The following SLC2A9 variants were observed in gnomAD, a reference collection of about 807,000 sequenced individuals.
SLC2A9 encodes the protein solute carrier family 2, facilitated glucose transporter member 9.
A neutral mutation model predicts 50.6 loss-of-function variants in SLC2A9; 39 were observed. The observed-to-expected ratio is 0.77, with a 90% confidence interval of 0.60 to 1.01. The LOEUF (loss-of-function observed/expected upper bound fraction) is 1.01, where lower values mean the gene tolerates loss of function less well. Ranked by LOEUF, SLC2A9 falls within the 50% of genes least tolerant of loss-of-function variation. The pLI is 0.00. For synonymous variants in SLC2A9, 324 were observed against 276.9 expected (o/e 1.17, Z -1.69); for missense variants, 686 against 677.6 (o/e 1.01, Z -0.14).
chr4:9,778,370 T>A, downstream of SLC2A9, among the ~76,000 whole-genome samples: 1 of 152,128 alleles, frequency 6.6e-6, no homozygotes, highest in East Asian at 1.9e-4. Context: ...TCCACCTGCT[T>A]CAGCCTCCCA....
At position 9,782,752 on chromosome 4, in the gene SLC2A9, G is replaced by C. The variant is rs142417212; in HGVS notation, n.386-2687C>G. 50 of 1,613,842 alleles carry C rather than the reference G, an allele frequency of 3.1e-5. No individual in the cohort carries two copies. The South Asian group carries it at 5.4e-4, about 17-fold the overall frequency. ...GCTTCTACATCCCCGTTGCCATCAT[G>C]ATCGTGACCTACACGCGCATCTACC... On this transcript the variant is annotated intron_variant and non_coding_transcript_variant, in intron 3 of 3. Transcript: ENST00000503803.
chr4:9,789,392 G>A (rs1719623732), intron 3 of SLC2A9, among the ~76,000 whole-genome samples: 1 of 152,198 alleles, frequency 6.6e-6, no homozygotes, highest in African/African-American at 2.4e-5. Flanking sequence ...TGAGAGTACA[G>A]GGCAGAACCT....
chr4:9,823,635 A>G (rs534132584), downstream of SLC2A9, among the ~76,000 whole-genome samples: 14 of 152,364 alleles, frequency 9.2e-5, no homozygotes, highest in East Asian at 2.1e-3. Context: ...AGAAAGTAAT[A>G]CAATATTAAG....
chr4:9,836,092 A>G (rs1403064168), intron 10 of SLC2A9, among the ~76,000 whole-genome samples: 1 of 149,380 alleles, frequency 6.7e-6, no homozygotes, highest in East Asian at 1.9e-4. Context: ...CCCTCTCAAA[A>G]AAAAAAAAAA....
At chr4:9,777,652 C>A (rs552655979), downstream of SLC2A9, among the ~76,000 whole-genome samples, 49 of 152,278 alleles carry the variant, frequency 3.2e-4, no homozygotes, top group Non-Finnish European at 6.5e-4. Flanking sequence ...TCATTACCAA[C>A]AAAGATTTGT....
chr4:9,772,016 A>G (rs930200488), intron 1 of SLC2A9, among the ~76,000 whole-genome samples: 5 of 152,210 alleles, frequency 3.3e-5, no homozygotes, highest in African/African-American at 1.2e-4. Context: ...AGGAGCTGGG[A>G]ATTAGTGCAT....
chr4:10,031,825 A>G (rs1361580414), intron 1 of SLC2A9, among the ~76,000 whole-genome samples: 3 of 152,182 alleles, frequency 2.0e-5, no homozygotes, highest in Non-Finnish European at 4.4e-5. Context: ...CAAGCACTGT[A>G]AATACTGTGC....
intron 10 of SLC2A9, among the ~76,000 whole-genome samples, chr4:9,878,800 G>A (rs561539935): frequency 4.1e-4 from 63 of 152,064 alleles, no homozygotes; most frequent in Non-Finnish European, 8.4e-4. Flanking sequence ...GCAGTCTTGT[G>A]GGATTGAACC....
intron 3 of SLC2A9, among the ~76,000 whole-genome samples, chr4:9,800,740 C>T (rs1209195618): frequency 1.3e-5 from 2 of 152,214 alleles, no homozygotes; most frequent in African/African-American, 2.4e-5. Flanking sequence ...ATAGCATTTA[C>T]AACGCATCAG....
chr4:9,931,194 CT>C (rs772772620), intron 6 of SLC2A9, among the ~76,000 whole-genome samples: 8 of 152,220 alleles, frequency 5.3e-5, no homozygotes, highest in Non-Finnish European at 1.0e-4. Flanking sequence ...GCCCTACCCC[CT>C]GAATGCATGT....
At chr4:9,968,391 C>T (rs1753367593) in intron 5 of SLC2A9, among the ~76,000 whole-genome samples, 1 of 152,136 alleles carries the variant, frequency 6.6e-6, no homozygotes, top group Non-Finnish European at 1.5e-5. Flanking sequence ...GGAATGTTGA[C>T]TTTCTCCTTC....
chr4:9,866,929 T>C (rs1166119177), intron 10 of SLC2A9, among the ~76,000 whole-genome samples: 1 of 152,214 alleles, frequency 6.6e-6, no homozygotes, highest in Admixed American at 6.5e-5. Flanking sequence ...GTTGGCTGTC[T>C]GGGAAAATCA....
At chr4:9,796,134 G>A (rs1046858651), downstream of SLC2A9, among the ~76,000 whole-genome samples, 2 of 152,190 alleles carry the variant, frequency 1.3e-5, no homozygotes, top group Admixed American at 1.3e-4. Flanking sequence ...GCCTCTCATG[G>A]CTATGTGGCT....
chr4:9,915,606 G>T (rs1018955381), intron 7 of SLC2A9, among the ~76,000 whole-genome samples: 1 of 152,178 alleles, frequency 6.6e-6, no homozygotes, highest in African/African-American at 2.4e-5. Flanking sequence ...GAGGCACGGA[G>T]GAGTCATGAC....
intron 2 of SLC2A9, among the ~76,000 whole-genome samples, chr4:10,017,942 G>T (rs1215453300): frequency 6.6e-6 from 1 of 152,008 alleles, no homozygotes; most frequent in East Asian, 1.9e-4. Flanking sequence ...CTACATCCCG[G>T]CCCCCCATCC....
intron 3 of SLC2A9, 148 bp from the exon 4 acceptor site, chr4:9,985,941 C>G: frequency 8.8e-7 from 1 of 1,140,848 alleles, no homozygotes; most frequent in Non-Finnish European, 1.3e-6. Flanking sequence ...CTTGCCACCT[C>G]TGGCTGTGTG....
At chr4:9,857,039 G>A (rs1730837282) in intron 10 of SLC2A9, among the ~76,000 whole-genome samples, 1 of 152,130 alleles carries the variant, frequency 6.6e-6, no homozygotes, top group African/African-American at 2.4e-5. Context: ...GAAATAATCT[G>A]TATATCAAAC....
chr4:10,001,501 C>A (rs566363178), intron 2 of SLC2A9, among the ~76,000 whole-genome samples: 2 of 152,324 alleles, frequency 1.3e-5, no homozygotes, highest in African/African-American at 4.8e-5. Flanking sequence ...TGGAATAACA[C>A]ATTTCAGTTC....
chr4:9,830,833 C>A (rs1037905996), intron 11 of SLC2A9, among the ~76,000 whole-genome samples: 1 of 152,190 alleles, frequency 6.6e-6, no homozygotes, highest in Non-Finnish European at 1.5e-5. Context: ...AACAGGATCC[C>A]AGAGCCAGAG....
Sources: gnomAD v4.1 joint callset for allele counts (sites outside exome capture counted in the v4.1 genomes callset) on GRCh38, gnomAD v4.1.1 for gene constraint, MANE v1.5 for transcripts, NCBI Gene and HGNC (gene_info 2026-07-23, HGNC 2026-07-21) for gene names.